PRKN: variants seen among roughly 807,000 people sequenced by gnomAD.
PRKN encodes the protein E3 ubiquitin-protein ligase parkin.
In PRKN, 56 loss-of-function variants were observed where a neutral mutation model predicts 59.5. The ratio of observed to expected loss-of-function variants is 0.94; its 90% CI spans 0.76 to 1.18. The LOEUF is 1.18. PRKN is among the 50% of genes most tolerant of loss of function. The pLI is 0.00. For synonymous variants in PRKN, 250 were observed against 222.1 expected, an observed-to-expected ratio of 1.13 and a Z score of -1.12; for missense variants, 657 against 596.4, an observed-to-expected ratio of 1.10 and a Z score of -1.06.
chr6:162,166,788 T>C (rs1162926910), intron 4 of PRKN, among the ~76,000 whole-genome samples: 2 of 152,172 alleles, frequency 1.3e-5, no homozygotes. Context: ...ACAGATGCTC[T>C]AGCTTCCCAT....
chr6:161,876,552 A>T (rs1794739016), intron 6 of PRKN, among the ~76,000 whole-genome samples: 1 of 152,050 alleles, frequency 6.6e-6, no homozygotes, highest in Non-Finnish European at 1.5e-5. Context: ...AGCTCAAGTG[A>T]TCCTTTCTCC....
intron 9 of PRKN, among the ~76,000 whole-genome samples, chr6:161,537,442 T>C (rs1562512231): frequency 1.3e-5 from 2 of 152,092 alleles, no homozygotes; most frequent in African/African-American, 4.8e-5. Context: ...AGTTCTTTTT[T>C]TTTTCTTTTC....
chr6:162,600,091 G>A (rs1376180924), intron 1 of PRKN, among the ~76,000 whole-genome samples: 1 of 152,132 alleles, frequency 6.6e-6, no homozygotes, highest in Non-Finnish European at 1.5e-5. Flanking sequence ...CACAGATCAA[G>A]ATGAATGCTT....
At chr6:161,800,710 G>T (rs150457740) in intron 6 of PRKN, among the ~76,000 whole-genome samples, 1 of 152,124 alleles carries the variant, frequency 6.6e-6, no homozygotes, top group Non-Finnish European at 1.5e-5. Flanking sequence ...GGGGAGTGAC[G>T]GCACTGGGGG....
chr6:162,713,100 C>A (rs532483199), intron 1 of PRKN, among the ~76,000 whole-genome samples: 1 of 152,324 alleles, frequency 6.6e-6, no homozygotes, highest in East Asian at 1.9e-4. Flanking sequence ...GGGCAATATA[C>A]TTTTTAAATT....
chr6:162,643,412 A>AAAAAAAAAG (rs71784410), intron 1 of PRKN, among the ~76,000 whole-genome samples: 58 of 139,638 alleles, frequency 4.2e-4, no homozygotes, highest in South Asian at 7.0e-4. Context: ...AAAAAAAAAA[A>AAAAAAAAAG]AAAGAAAGAA....
intron 6 of PRKN, among the ~76,000 whole-genome samples, chr6:161,930,262 T>A (rs915096337): frequency 6.6e-6 from 1 of 152,206 alleles, no homozygotes; most frequent in Non-Finnish European, 1.5e-5. Flanking sequence ...AAAAAATTTA[T>A]AAGTTAATAT....
intron 1 of PRKN, among the ~76,000 whole-genome samples, chr6:162,668,621 G>C (rs1779197941): frequency 2.0e-5 from 3 of 152,052 alleles, no homozygotes; most frequent in Admixed American, 6.5e-5. Flanking sequence ...TCCACGGTCA[G>C]ACCAACACAG....
intron 2 of PRKN, among the ~76,000 whole-genome samples, chr6:162,282,604 A>G (rs115930807): frequency 0.021 from 3,249 of 152,294 alleles, 108 homozygotes; most frequent in African/African-American, 0.075. Context: ...CAATCTAAAC[A>G]GTCATCAATA....
At chr6:162,154,015 T>C (rs1782390064) in intron 4 of PRKN, among the ~76,000 whole-genome samples, 1 of 152,188 alleles carries the variant, frequency 6.6e-6, no homozygotes, top group Non-Finnish European at 1.5e-5. Flanking sequence ...TTCAGGCTTT[T>C]TGGCTTAAAG....
At chr6:162,295,848 C>T (rs1281932337) in intron 2 of PRKN, among the ~76,000 whole-genome samples, 2 of 152,120 alleles carry the variant, frequency 1.3e-5, no homozygotes, top group East Asian at 1.9e-4. Context: ...TCAGGAGATG[C>T]CCCTTGACAG....
chr6:162,016,367 T>A (rs1198622177), intron 5 of PRKN, among the ~76,000 whole-genome samples: 1 of 152,110 alleles, frequency 6.6e-6, no homozygotes, highest in Non-Finnish European at 1.5e-5. Context: ...TTGGAACCCC[T>A]GCAGACTGCC....
intron 7 of PRKN, among the ~76,000 whole-genome samples, chr6:161,733,792 A>G (rs370360085): frequency 1.4e-5 from 1 of 71,164 alleles, no homozygotes; most frequent in African/African-American, 5.2e-5. Flanking sequence ...AAATATATAT[A>G]TATATGTATA....
chr6:161,591,160 T>C (rs552578270), intron 7 of PRKN, among the ~76,000 whole-genome samples: 99 of 152,224 alleles, frequency 6.5e-4, no homozygotes, highest in Non-Finnish European at 1.2e-3. Flanking sequence ...TGCACATATG[T>C]ACACAGATGG....
chr6:162,685,781 C>G (rs2096980), intron 1 of PRKN, among the ~76,000 whole-genome samples: 2 of 152,142 alleles, frequency 1.3e-5, no homozygotes, highest in Non-Finnish European at 2.9e-5. Flanking sequence ...CAACATTTCT[C>G]AAACAGAGCT....
chr6:161,658,285 G>A (rs1296903026), intron 7 of PRKN, among the ~76,000 whole-genome samples: 4 of 151,938 alleles, frequency 2.6e-5, no homozygotes, highest in East Asian at 1.9e-4. Context: ...GCCATGCTCC[G>A]TTAATTGGAA....
At chr6:161,673,277 G>C (rs540985976) in intron 7 of PRKN, among the ~76,000 whole-genome samples, 1 of 152,146 alleles carries the variant, frequency 6.6e-6, no homozygotes, top group Admixed American at 6.5e-5. Context: ...TGCGGGGTGG[G>C]GGCTGGGAAT....
chr6:162,336,330 A>G (rs1293682680), intron 2 of PRKN, among the ~76,000 whole-genome samples: 4 of 152,102 alleles, frequency 2.6e-5, no homozygotes, highest in Non-Finnish European at 5.9e-5. Context: ...ATTTCAGTCT[A>G]TGTTACAGCT....
intron 6 of PRKN, among the ~76,000 whole-genome samples, chr6:161,872,906 T>C (rs1016764199): frequency 6.6e-6 from 1 of 151,828 alleles, no homozygotes; most frequent in African/African-American, 2.4e-5. Flanking sequence ...AACCAGAAGT[T>C]ATTCCAATTT....
Sources: gnomAD v4.1 joint callset for allele counts (sites outside exome capture counted in the v4.1 genomes callset) on GRCh38, gnomAD v4.1.1 for gene constraint, MANE v1.5 for transcripts, NCBI Gene and HGNC (gene_info 2026-07-23, HGNC 2026-07-21) for gene names.